Variants in BTG3 observed in about 807,000 individuals in gnomAD.
The protein encoded by BTG3 is protein BTG3.
A neutral mutation model predicts 25.8 loss-of-function variants in BTG3; 4 were observed. The ratio of observed to expected loss-of-function variants is 0.16; its 90% CI spans 0.08 to 0.36. BTG3 has a LOEUF of 0.36. BTG3 is among the 10% of genes least tolerant of loss of function. The probability of loss-of-function intolerance (pLI) is 1.00; values close to 1 mark genes in which losing one functional copy is unlikely to be tolerated. For synonymous variants in BTG3, 107 were observed against 99.9 expected (o/e 1.07, Z -0.42); for missense variants, 201 against 304.9 (o/e 0.66, Z 2.54).
At chr21:17,604,265 AC>A (rs777875374) in intron 3 of BTG3, 16 of 323,780 alleles carry the variant, frequency 4.9e-5, no homozygotes, top group Admixed American at 1.0e-4. Flanking sequence ...ACATGGTGAA[AC>A]CCCATCTCTA....
intron 1 of BTG3, among the ~76,000 whole-genome samples, chr21:17,610,405 A>G (rs1336567022): frequency 6.6e-6 from 1 of 152,254 alleles, no homozygotes; most frequent in Non-Finnish European, 1.5e-5. Flanking sequence ...GAAGAGAGAT[A>G]CATTTATCCA....
chr21:17,596,691 A>G lies in BTG3; in HGVS notation c.519+1926T>C, dbSNP rs139522312. 7.2e-5 allele frequency among the ~76,000 whole-genome samples: 11 copies of G among 152,212 alleles called. No individual in the cohort carries two copies. The East Asian group carries it at 1.9e-3, about 27-fold the overall frequency. ...ATTACCACACTGTCTTGATGAATAT[A>G]TAATAGCTTTGAATTAGTGTGAGCC... is the stretch of plus-strand genomic sequence containing the variant. On this transcript the variant is annotated intron_variant, in intron 4 of 4. Transcript: ENST00000348354.
At chr21:17,608,531 A>G (rs2061677209) in intron 2 of BTG3, among the ~76,000 whole-genome samples, 1 of 152,144 alleles carries the variant, frequency 6.6e-6, no homozygotes, top group African/African-American at 2.4e-5. Context: ...CAGGTGTCTG[A>G]TAATCTTAGT....
intron 1 of BTG3, chr21:17,611,828 T>C (rs2061729240): frequency 6.6e-6 from 1 of 151,552 alleles, no homozygotes; most frequent in Non-Finnish European, 1.5e-5. Context: ...CTCGCAGGAG[T>C]TTATAACTTT....
chr21:17,612,668 T>C (rs1240071556), intron 1 of BTG3, 31 bp downstream of exon 1: 5 of 152,210 alleles, frequency 3.3e-5, no homozygotes, highest in Admixed American at 6.5e-5. Context: ...AGCCCCGCCA[T>C]GTCTGCCTTT....
chr21:17,602,341 A>C (rs1328159045), intron 3 of BTG3, among the ~76,000 whole-genome samples: 1 of 152,200 alleles, frequency 6.6e-6, no homozygotes, highest in Admixed American at 6.5e-5. Flanking sequence ...GACTATGAAG[A>C]ATGTTCTCAG....
intron 4 of BTG3, among the ~76,000 whole-genome samples, chr21:17,598,277 T>C (rs2123435742): frequency 6.6e-6 from 1 of 152,286 alleles, no homozygotes; most frequent in South Asian, 2.1e-4. Context: ...AACCCAAAGG[T>C]ACAAAACAAA....
chr21:17,601,379 C>G (rs978691972), intron 3 of BTG3, among the ~76,000 whole-genome samples: 6 of 152,064 alleles, frequency 3.9e-5, no homozygotes, highest in Non-Finnish European at 7.4e-5. Context: ...TAAACAGAAG[C>G]TGGACATGGT....
chr21:17,604,446 A>C (rs953979503), intron 3 of BTG3, among the ~76,000 whole-genome samples: 6 of 151,308 alleles, frequency 4.0e-5, no homozygotes, highest in South Asian at 2.1e-4. Context: ...ACTCCGTCCC[A>C]AAAAAAAAGA....
chr21:17,598,453 C>CTATTTACGTGCCA (rs2061531460), intron 4 of BTG3, among the ~76,000 whole-genome samples, 164 bp downstream of exon 4: 1 of 152,134 alleles, frequency 6.6e-6, no homozygotes, highest in Non-Finnish European at 1.5e-5. Flanking sequence ...CTCAGGATGC[C>CTATTTACGTGCCA]TATTTACGTG....
chr21:17,597,728 G>GA (rs1365960769), intron 4 of BTG3, among the ~76,000 whole-genome samples: 1 of 16,276 alleles, frequency 6.1e-5, no homozygotes, highest in Non-Finnish European at 1.1e-4. Context: ...ATTCAACTGA[G>GA]AAAAAAATGA....
intron 1 of BTG3, among the ~76,000 whole-genome samples, chr21:17,609,483 G>T (rs774162035): frequency 2.6e-4 from 40 of 152,300 alleles, no homozygotes; most frequent in Non-Finnish European, 5.6e-4. Flanking sequence ...GTTACTGTGT[G>T]TGTCAATATT....
chr21:17,596,487 T>C (rs1569173166), intron 4 of BTG3, among the ~76,000 whole-genome samples: 1 of 152,030 alleles, frequency 6.6e-6, no homozygotes, highest in Non-Finnish European at 1.5e-5. Context: ...CTAAGTTAGG[T>C]TCGTTTTTTT....
Position 17,606,468 on chromosome 21 carries a change from T to C in BTG3, c.174-1471A>G, listed in dbSNP as rs981750555. On this transcript the variant is annotated intron_variant, in intron 2 of 4. Transcript: ENST00000348354. Reference sequence around the variant, plus strand: ...CTTTTAAAAACATGGTCTTATGCTATAGATTCTAATATTGTATAGGGTAAT... The same window carrying C: ...CTTTTAAAAACATGGTCTTATGCTACAGATTCTAATATTGTATAGGGTAAT... Among the ~76,000 whole-genome samples the C allele has an allele frequency of 3.3e-5, 5 of 152,292 alleles. No individual in the cohort carries two copies. In the East Asian group the frequency reaches 9.6e-4, roughly 29 times the overall value.
chr21:17,596,410 A>T (rs962309348), intron 4 of BTG3, among the ~76,000 whole-genome samples: 1 of 152,056 alleles, frequency 6.6e-6, no homozygotes, highest in Non-Finnish European at 1.5e-5. Flanking sequence ...TAAAAGCGTC[A>T]GAGATTTATC....
intron 3 of BTG3, among the ~76,000 whole-genome samples, chr21:17,601,872 T>C (rs1407369127): frequency 1.3e-5 from 2 of 152,206 alleles, no homozygotes; most frequent in Non-Finnish European, 2.9e-5. Flanking sequence ...GGATCAGCAT[T>C]ATTAACTCAG....
chr21:17,605,682 T>C (rs542105683), intron 2 of BTG3, among the ~76,000 whole-genome samples: 1 of 152,340 alleles, frequency 6.6e-6, no homozygotes, highest in Admixed American at 6.5e-5. Flanking sequence ...GTCCCATCTT[T>C]TTTTAACCTA....
chr21:17,601,618 A>G (rs2061575295), intron 3 of BTG3, among the ~76,000 whole-genome samples: 1 of 152,236 alleles, frequency 6.6e-6, no homozygotes, highest in Non-Finnish European at 1.5e-5. Context: ...TTTACTTAGC[A>G]TAAGGTTTTA....
chr21:17,603,291 C>A (rs2061596827), intron 3 of BTG3, among the ~76,000 whole-genome samples: 1 of 152,174 alleles, frequency 6.6e-6, no homozygotes, highest in South Asian at 2.1e-4. Context: ...GTCCCAGAAT[C>A]TAAAAATGTT....
Sources: gnomAD v4.1 joint callset for allele counts (sites outside exome capture counted in the v4.1 genomes callset) on GRCh38, gnomAD v4.1.1 for gene constraint, MANE v1.5 for transcripts, NCBI Gene and HGNC (gene_info 2026-07-23, HGNC 2026-07-21) for gene names.